Variants in LONRF1 observed in about 807,000 individuals in gnomAD.
The protein encoded by LONRF1 is LON peptidase N-terminal domain and ring finger 1.
A neutral mutation model predicts 85.8 loss-of-function variants in LONRF1; 37 were observed. That is an observed-to-expected ratio of 0.43 (90% CI 0.33 to 0.57). The LOEUF is 0.57. Ranked by LOEUF, LONRF1 falls within the 20% of genes least tolerant of loss-of-function variation. The pLI is 0.04. For synonymous variants in LONRF1, 517 were observed against 390.1 expected, an observed-to-expected ratio of 1.33 and a Z score of -3.83; for missense variants, 1,036 against 978.0, an observed-to-expected ratio of 1.06 and a Z score of -0.79.
At chr8:12,740,382 C>T (rs1319484817) in intron 3 of LONRF1, among the ~76,000 whole-genome samples, 3 of 152,244 alleles carry the variant, frequency 2.0e-5, no homozygotes, top group South Asian at 2.1e-4. Flanking sequence ...CCCTTCCTTC[C>T]CCCATCTCCT....
At chr8:12,725,289 T>C (rs892408445) in intron 11 of LONRF1, among the ~76,000 whole-genome samples, 10 of 152,148 alleles carry the variant, frequency 6.6e-5, no homozygotes, top group Non-Finnish European at 1.2e-4. Flanking sequence ...TGTTGGGAGA[T>C]ACAAAGAAAG....
At chr8:12,729,883 TAGAA>T (rs1798462606) in intron 8 of LONRF1, among the ~76,000 whole-genome samples, 1 of 152,196 alleles carries the variant, frequency 6.6e-6, no homozygotes, top group East Asian at 1.9e-4. Flanking sequence ...GCCAGATTGG[TAGAA>T]AGAAAGAGAA....
At chr8:12,752,825 A>G (rs1350040837) in intron 1 of LONRF1, among the ~76,000 whole-genome samples, 2 of 152,244 alleles carry the variant, frequency 1.3e-5, no homozygotes, top group East Asian at 1.9e-4. Context: ...AATCAGCAGT[A>G]CTGTCCATAA....
chr8:12,755,015 C>G lies in LONRF1; in HGVS notation c.406G>C (p.Val136Leu). Residue 136 changes from valine to leucine, a missense_variant, in exon 1 of 12, where the codon GTG becomes CTG. By Grantham distance (32) the Val-to-Leu change is conservative. This residue lies in a region of LONRF1 where 742 missense variants were observed against 614.4 expected (regional missense o/e 1.21). Coordinates refer to ENST00000398246, the MANE Select transcript of LONRF1 (RefSeq NM_152271.5). ...CGGCAGTAGCTGTGGCCACAGGGCACGGTCACCGGCTCGCTCAGGAAGCCC... is the reference window on the plus strand; with the variant it reads ...CGGCAGTAGCTGTGGCCACAGGGCAGGGTCACCGGCTCGCTCAGGAAGCCC... ...CRGFLSEPVT[V>L]PCGHSYCRRC... The G allele has an allele frequency of 6.7e-7, 1 of 1,492,012 alleles. No homozygotes were observed. Among genetic ancestry groups the G allele is most frequent in the Non-Finnish European group, 8.9e-7 (1 of 1,127,692 alleles). 92.4% of individuals were successfully genotyped at this position (1,492,012 alleles called of 1,614,324 possible).
At chr8:12,753,658 T>C (rs1375436862) in intron 1 of LONRF1, 1 of 152,234 alleles carries the variant, frequency 6.6e-6, no homozygotes, top group African/African-American at 2.4e-5. Context: ...AAAATCCCCC[T>C]GGTAGAGAAC....
At chr8:12,724,509 C>G (rs1266651276) in intron 11 of LONRF1, among the ~76,000 whole-genome samples, 1 of 152,162 alleles carries the variant, frequency 6.6e-6, no homozygotes, top group African/African-American at 2.4e-5. Context: ...CTCCCAACTA[C>G]TATACAAAGT....
In LONRF1 at chr8:12,754,732, G is replaced by C. The variant is rs940892575; in HGVS notation, c.689C>G (p.Ala230Gly). 8 of 1,422,342 alleles carry C rather than the reference G, an allele frequency of 5.6e-6. No individual in the cohort carries two copies. The highest frequency in any genetic ancestry group is 3.0e-5 in the African/African-American group (2 of 65,950). 88.1% of individuals were successfully genotyped at this position (1,422,342 alleles called of 1,614,324 possible). The change falls in exon 1 of 12, where the codon GCC becomes GGC. Residue 230 changes from alanine to glycine, a missense_variant. Transcript: ENST00000398246. ...ELLHQGRYRE[A>G]LAAACEALRA... is the part of the protein sequence containing the mutation. ...CAGCGCCTCGCAGGCGGCGGCCAGG[G>C]CCTCCCGGTAGCGCCCCTGGTGCAG...
chr8:12,725,767 T>C lies in LONRF1; in HGVS notation c.2123A>G (p.Gln708Arg). Residue 708 changes from glutamine to arginine, a missense_variant, in exon 11 of 12, where the codon CAG becomes CGG. By Grantham distance (43) the Gln-to-Arg change is conservative. Around this residue, in one of 3 missense-constraint regions of LONRF1, gnomAD observed 265 missense variants for 301.5 expected, o/e 0.88. Transcript: ENST00000398246. The part of the protein sequence containing the change: ...LRDRFRSQIL[Q>R]HFGSMPEREE... ...CCTCTCGGGCATTGATCCGAAATGC[T>C]GAAGAATTTGGCTTCGAAATCTGTC... 6.2e-7 allele frequency: 1 copy of C among 1,613,706 alleles called. No individual in the cohort carries two copies. The highest frequency in any genetic ancestry group is 8.5e-7 in the Non-Finnish European group (1 of 1,179,628).
intron 10 of LONRF1, chr8:12,727,413 G>A (rs1798355882): frequency 6.6e-6 from 1 of 151,454 alleles, no homozygotes; most frequent in Non-Finnish European, 1.5e-5. Flanking sequence ...AGGAAAATTT[G>A]CCATATAAAA....
chr8:12,741,056 T>C, intron 2 of LONRF1, 60 bp from the exon 3 acceptor site: 1 of 1,582,848 alleles, frequency 6.3e-7, no homozygotes, highest in Non-Finnish European at 8.6e-7. Flanking sequence ...AAAAAATCAT[T>C]ATCAAGTAAA....
At chr8:12,738,675 A>G (rs1233424435) in intron 3 of LONRF1, 1 of 152,126 alleles carries the variant, frequency 6.6e-6, no homozygotes, top group Non-Finnish European at 1.5e-5. Context: ...GGTTAGAAGC[A>G]CCCCATGGCA....
At position 12,755,281 on chromosome 8, in the gene LONRF1, C is replaced by G; in HGVS notation, c.140G>C (p.Arg47Pro). 8.0e-7 allele frequency: 1 copy of G among 1,243,676 alleles called. No individual in the cohort carries two copies. The highest frequency in any genetic ancestry group is 1.0e-6 in the Non-Finnish European group (1 of 993,490). 77.0% of individuals were successfully genotyped at this position (1,243,676 alleles called of 1,614,324 possible). The change falls in exon 1 of 12, where the codon CGC (arginine) becomes CCC (proline). Residue 47 changes from arginine (R) to proline (P), a missense_variant. Physicochemically the swap from Arg to Pro is moderately radical, Grantham distance 103. Around this residue, in one of 3 missense-constraint regions of LONRF1, gnomAD observed 742 missense variants for 614.4 expected, o/e 1.21. Transcript: ENST00000398246. The stretch of plus-strand genomic sequence containing the variant: ...CCCGCGGCGGAGCAGCAGCTCCCAG[C>G]GCTCCGACTCCGCGGCCGCGCGCTC... ...RLERAAAESE[R>P]WELLLRRGEL...
chr8:12,736,378 T>C (rs1460333547), intron 6 of LONRF1, among the ~76,000 whole-genome samples: 1 of 152,170 alleles, frequency 6.6e-6, no homozygotes, highest in Non-Finnish European at 1.5e-5. Context: ...ATAGGTAAGT[T>C]TCAAAAATAA....
Position 12,722,796 on chromosome 8 carries a change from A to G in LONRF1, c.*300T>C, listed in dbSNP as rs1805959011. On this transcript the variant is annotated 3_prime_UTR_variant, in exon 12 of 12. Coordinates refer to ENST00000398246, the MANE Select transcript of LONRF1 (RefSeq NM_152271.5). ...AGCACACACGCACGCACACACACAC[A>G]CACACTCTCTCACAGACATAAAGAG... 4.4e-6 allele frequency: 1 copy of G among 226,172 alleles called. No homozygotes were observed. Among genetic ancestry groups the G allele is most frequent in the African/African-American group, 2.3e-5 (1 of 44,112 alleles). The allele number at this position is 226,172 out of a possible 1,614,324, so 14.0% of individuals were successfully genotyped here.
intron 7 of LONRF1, among the ~76,000 whole-genome samples, chr8:12,732,352 A>G (rs781168235): frequency 6.6e-6 from 1 of 152,162 alleles, no homozygotes; most frequent in Admixed American, 6.5e-5. Context: ...ATTGTCACCC[A>G]CTATTGAGTA....
intron 4 of LONRF1, 53 bp downstream of exon 4, chr8:12,737,942 C>T (rs1200683957): frequency 1.9e-6 from 3 of 1,543,376 alleles, no homozygotes; most frequent in Non-Finnish European, 2.6e-6. Flanking sequence ...AAGCTCTTAA[C>T]TCGTAAAGAA....
At chr8:12,735,077 C>G (rs1798667721) in intron 7 of LONRF1, among the ~76,000 whole-genome samples, 1 of 152,132 alleles carries the variant, frequency 6.6e-6, no homozygotes, top group African/African-American at 2.4e-5. Flanking sequence ...GGGGGTTGGT[C>G]TTCAGCATCT....
intron 3 of LONRF1, 150 bp from the exon 4 acceptor site, chr8:12,738,294 A>G: frequency 1.8e-6 from 1 of 543,286 alleles, no homozygotes; most frequent in South Asian, 2.9e-5. Context: ...CAACACTGTA[A>G]GTTCAAAAGT....
intron 3 of LONRF1, among the ~76,000 whole-genome samples, chr8:12,740,048 G>A (rs1009866519): frequency 3.9e-5 from 6 of 152,110 alleles, no homozygotes; most frequent in Non-Finnish European, 7.4e-5. Context: ...CTGAATCAAA[G>A]ACTTGTAGTT....
Sources: gnomAD v4.1 joint callset for allele counts (sites outside exome capture counted in the v4.1 genomes callset) on GRCh38, gnomAD v4.1.1 for gene constraint, gnomAD v4.1.1 regional missense constraint, MANE v1.5 for transcripts, NCBI Gene and HGNC (gene_info 2026-07-23, HGNC 2026-07-21) for gene names.